Variants in MAGI1 observed in about 807,000 individuals in gnomAD.
MAGI1 encodes membrane associated guanylate kinase, WW and PDZ domain containing 1.
In MAGI1, 58 loss-of-function variants were observed where a neutral mutation model predicts 139.9. That is an observed-to-expected ratio of 0.41 (90% CI 0.34 to 0.52). The LOEUF (loss-of-function observed/expected upper bound fraction) is 0.52. MAGI1 is among the 20% of genes least tolerant of loss of function. The pLI is 0.12. For missense variants in MAGI1, 1,874 were observed against 1,901.6 expected (o/e 0.99, Z 0.27); for synonymous variants, 812 against 737.9 (o/e 1.10, Z -1.63).
rs76033859 is a variant in MAGI1, at chr3:65,937,519, T to C, written c.313+100477A>G. ...TGAGAGCACTCCCCTGGTGAAGCAATTTGTGGATGATGGTCTGACCACAGG... is the reference window on the plus strand; with the variant it reads ...TGAGAGCACTCCCCTGGTGAAGCAACTTGTGGATGATGGTCTGACCACAGG... On this transcript the variant is annotated intron_variant, in intron 1 of 22. Coordinates refer to ENST00000402939, the MANE Select transcript of MAGI1 (RefSeq NM_001033057.2). Among the ~76,000 whole-genome samples, 583 of 151,842 alleles carry C rather than the reference T, an allele frequency of 3.8e-3. 4 individuals are homozygous for C. Among genetic ancestry groups the C allele is most frequent in the African/African-American group, 0.013 (551 of 41,378 alleles).
intron 12 of MAGI1, among the ~76,000 whole-genome samples, chr3:65,407,486 G>T (rs533221661): frequency 6.6e-6 from 1 of 150,872 alleles, no homozygotes; most frequent in African/African-American, 2.4e-5. Context: ...ACTTCCAAGA[G>T]CGGAGGACTG....
rs1306318548 is a variant in MAGI1, at chr3:65,453,242, C to G, written c.1042+16G>C. 1.2e-6 allele frequency: 2 copies of G among 1,613,172 alleles called. No individual in the cohort carries two copies. Among genetic ancestry groups the G allele is most frequent in the Non-Finnish European group, 1.7e-6 (2 of 1,179,420 alleles). ...GCCCCCAATTCACTTAACCCAAGAC[C>G]TGCCTGGCCCCTTACCATCATCTTC... On this transcript the variant is annotated intron_variant, in intron 6 of 22. Coordinates refer to ENST00000402939, the MANE Select transcript of MAGI1 (RefSeq NM_001033057.2).
chr3:65,920,263 T>C (rs1372834494), intron 1 of MAGI1, among the ~76,000 whole-genome samples: 1 of 152,134 alleles, frequency 6.6e-6, no homozygotes, highest in Non-Finnish European at 1.5e-5. Flanking sequence ...GCTAAACACC[T>C]CGACCTGTGC....
At chr3:65,929,036 C>A (rs1236831998) in intron 1 of MAGI1, among the ~76,000 whole-genome samples, 4 of 151,912 alleles carry the variant, frequency 2.6e-5, no homozygotes, top group African/African-American at 9.7e-5. Flanking sequence ...CACCTATAAT[C>A]CACCAGTTTG....
intron 1 of MAGI1, among the ~76,000 whole-genome samples, chr3:65,841,890 T>C (rs1426671735): frequency 6.6e-6 from 1 of 152,200 alleles, no homozygotes. Flanking sequence ...TGGTTTGAAA[T>C]GAGCCAACTC....
chr3:65,916,417 C>A (rs1285210751), intron 1 of MAGI1, among the ~76,000 whole-genome samples: 2 of 152,140 alleles, frequency 1.3e-5, no homozygotes, highest in Non-Finnish European at 2.9e-5. Context: ...CTCACAGTTC[C>A]ATGTGGCTGG....
chr3:66,033,611 C>T (rs1487978247), intron 1 of MAGI1, among the ~76,000 whole-genome samples: 1 of 152,126 alleles, frequency 6.6e-6, no homozygotes, highest in African/African-American at 2.4e-5. Flanking sequence ...AAACAAAAAA[C>T]CACACAAAGA....
At chr3:65,990,329 C>G (rs1192590951) in intron 1 of MAGI1, among the ~76,000 whole-genome samples, 1 of 152,162 alleles carries the variant, frequency 6.6e-6, no homozygotes, top group Non-Finnish European at 1.5e-5. Context: ...AGGGAGGTTA[C>G]TGAGGGAAGA....
chr3:65,805,996 T>C (rs1484127142), intron 1 of MAGI1, among the ~76,000 whole-genome samples: 1 of 152,150 alleles, frequency 6.6e-6, no homozygotes. Flanking sequence ...CAGGGCTTAA[T>C]ACCTATGTGA....
At chr3:65,492,655 C>T (rs1309688860) in intron 3 of MAGI1, among the ~76,000 whole-genome samples, 1 of 152,156 alleles carries the variant, frequency 6.6e-6, no homozygotes, top group East Asian at 1.9e-4. Context: ...ATCCATACAA[C>T]AGGCATGCAC....
intron 7 of MAGI1, among the ~76,000 whole-genome samples, chr3:65,446,213 T>C (rs1246104296): frequency 6.6e-6 from 1 of 152,144 alleles, no homozygotes; most frequent in South Asian, 2.1e-4. Context: ...AAATAGCTAA[T>C]AGAATGTGCT....
chr3:65,883,523 G>A (rs746611452), intron 1 of MAGI1, among the ~76,000 whole-genome samples: 1 of 152,170 alleles, frequency 6.6e-6, no homozygotes, highest in East Asian at 1.9e-4. Flanking sequence ...ACAGAAACTG[G>A]CAATTTGCTA....
intron 1 of MAGI1, among the ~76,000 whole-genome samples, chr3:65,666,443 G>C (rs1037690336): frequency 1.3e-5 from 2 of 152,184 alleles, no homozygotes; most frequent in Non-Finnish European, 2.9e-5. Flanking sequence ...CTGAACACAA[G>C]TCAGAGAGAA....
In MAGI1 at chr3:65,356,912, A is replaced by C. The variant is rs780645225; in HGVS notation, c.3855T>G (p.Thr1285=). 2 of 1,614,124 alleles carry C rather than the reference A, an allele frequency of 1.2e-6. No homozygotes were observed. Among genetic ancestry groups the C allele is most frequent in the East Asian group, 4.5e-5 (2 of 44,840 alleles). ...QPNEHHTWNG[T]SRKPDSGACR... Reference sequence around the variant, plus strand: ...ATGCCCCGCTGTCGGGTTTCCTCGAAGTCCCATTCCAGGTGTGGTGTTCAT... The same window carrying C: ...ATGCCCCGCTGTCGGGTTTCCTCGACGTCCCATTCCAGGTGTGGTGTTCAT... Residue 1285 remains threonine (T), a synonymous_variant, in exon 23 of 23, where the codon ACT becomes ACG. Coordinates refer to ENST00000402939, the MANE Select transcript of MAGI1 (RefSeq NM_001033057.2).
intron 1 of MAGI1, among the ~76,000 whole-genome samples, chr3:65,722,971 TAAA>T (rs151181033): frequency 1.5e-5 from 2 of 135,072 alleles, no homozygotes; most frequent in Non-Finnish European, 3.2e-5. Flanking sequence ...TCTGTTGTAG[TAAA>T]AAAAAAAAAA....
At chr3:65,672,457 AT>A (rs2086921086) in intron 1 of MAGI1, among the ~76,000 whole-genome samples, 1 of 152,254 alleles carries the variant, frequency 6.6e-6, no homozygotes, top group South Asian at 2.1e-4. Flanking sequence ...ATATCAGATT[AT>A]ATCGGTTTAG....
intron 1 of MAGI1, among the ~76,000 whole-genome samples, chr3:65,761,627 C>T (rs1289531714): frequency 6.6e-6 from 1 of 152,156 alleles, no homozygotes; most frequent in Non-Finnish European, 1.5e-5. Context: ...AAACCAAATG[C>T]ACAATGCCAC....
intron 1 of MAGI1, among the ~76,000 whole-genome samples, chr3:65,844,833 C>A (rs2058930641): frequency 1.3e-5 from 2 of 152,168 alleles, no homozygotes; most frequent in Admixed American, 1.3e-4. Context: ...CAATCACCCA[C>A]TAAAGGACAC....
At chr3:65,714,976 T>C (rs1460662713) in intron 1 of MAGI1, among the ~76,000 whole-genome samples, 1 of 150,318 alleles carries the variant, frequency 6.7e-6, no homozygotes, top group Non-Finnish European at 1.5e-5. Flanking sequence ...GTTTAGAATC[T>C]GGACAAAGGA....
Sources: gnomAD v4.1 joint callset for allele counts (sites outside exome capture counted in the v4.1 genomes callset) on GRCh38, gnomAD v4.1.1 for gene constraint, MANE v1.5 for transcripts, NCBI Gene and HGNC (gene_info 2026-07-23, HGNC 2026-07-21) for gene names.